The following IQSEC3 variants were observed in gnomAD, a reference collection of about 807,000 sequenced individuals.
IQSEC3 encodes IQ motif and SEC7 domain-containing protein 3.
In IQSEC3, 50 loss-of-function variants were observed where a neutral mutation model predicts 105.4. The observed-to-expected ratio is 0.47, with a 90% confidence interval of 0.38 to 0.60. The LOEUF is 0.60. Among genes scored for constraint, IQSEC3 ranks in the 20% least tolerant of loss-of-function variants. The pLI, the probability that IQSEC3 is intolerant of heterozygous loss-of-function variation, is 0.00. For synonymous variants in IQSEC3, 708 were observed against 746.0 expected (o/e 0.95, Z 0.83); for missense variants, 1,415 against 1,630.0 (o/e 0.87, Z 2.27).
chr12:121,163 G>T (rs1865206628), intron 2 of IQSEC3, among the ~76,000 whole-genome samples: 1 of 152,200 alleles, frequency 6.6e-6, no homozygotes, highest in African/African-American at 2.4e-5. Context: ...AGGGATGACA[G>T]CTGCAGACTG....
chr12:171,397 C>A, intron 13 of IQSEC3: 2 of 1,376,164 alleles, frequency 1.5e-6, no homozygotes, highest in Non-Finnish European at 2.0e-6. Context: ...TGCTGCCCTC[C>A]GAGGCCGAGC....
At chr12:128,520 T>A (rs1555084123) in intron 3 of IQSEC3, among the ~76,000 whole-genome samples, 1 of 147,686 alleles carries the variant, frequency 6.8e-6, no homozygotes, top group East Asian at 1.9e-4. Flanking sequence ...CTGGGAGGGG[T>A]GTTGGACAAT....
At chr12:91,129 T>C (rs1555073265) in intron 1 of IQSEC3, among the ~76,000 whole-genome samples, 1 of 152,186 alleles carries the variant, frequency 6.6e-6, no homozygotes, top group African/African-American at 2.4e-5. Flanking sequence ...AGGGGGATCC[T>C]CCTTCAGAGT....
chr12:140,050 C>G (rs1305251747), intron 4 of IQSEC3, among the ~76,000 whole-genome samples: 2 of 152,152 alleles, frequency 1.3e-5, no homozygotes, highest in Non-Finnish European at 2.9e-5. Flanking sequence ...GCACTCGCCT[C>G]CATCCTCCAC....
At chr12:148,628 T>G (rs1555091736) in intron 5 of IQSEC3, 3 of 152,370 alleles carry the variant, frequency 2.0e-5, no homozygotes, top group Admixed American at 6.5e-5. Context: ...CCAAAACGCC[T>G]TGACCTTTGT....
At chr12:85,933 C>T (rs1555071973) in intron 1 of IQSEC3, among the ~76,000 whole-genome samples, 1 of 152,194 alleles carries the variant, frequency 6.6e-6, no homozygotes, top group African/African-American at 2.4e-5. Flanking sequence ...CATTTCTCTC[C>T]AGCACCCTTA....
Position 89,517 on chromosome 12 carries a change from G to A in IQSEC3, c.555-9629G>A, listed in dbSNP as rs547924505. ...CCGTTTTACATGTATAACTTGATGA[G>A]TTTTGAAACATTACACTTGTGTAAC... On this transcript the variant is annotated intron_variant, in intron 1 of 13. Coordinates refer to ENST00000538872, the MANE Select transcript of IQSEC3 (RefSeq NM_001170738.2). Among the ~76,000 whole-genome samples the A allele has an allele frequency of 5.3e-5, 8 of 152,266 alleles. No homozygotes were observed. In the East Asian group the frequency reaches 1.5e-3, roughly 29 times the overall value.
intron 5 of IQSEC3, among the ~76,000 whole-genome samples, chr12:145,024 G>A (rs1458938594): frequency 6.6e-6 from 1 of 152,170 alleles, no homozygotes; most frequent in Non-Finnish European, 1.5e-5. Flanking sequence ...GTAGCGATGG[G>A]GGTCTCACTG....
chr12:154,759 T>C (rs534613814), intron 5 of IQSEC3, among the ~76,000 whole-genome samples: 2 of 152,300 alleles, frequency 1.3e-5, no homozygotes, highest in East Asian at 3.9e-4. Flanking sequence ...CCTCTCTGTC[T>C]TTCCGCCTTC....
intron 13 of IQSEC3, among the ~76,000 whole-genome samples, chr12:172,503 T>C (rs1939060626): frequency 6.6e-6 from 1 of 152,160 alleles, no homozygotes; most frequent in Non-Finnish European, 1.5e-5. Context: ...TAACAGCATA[T>C]GGCTATCTGC....
intron 7 of IQSEC3, 31 bp downstream of exon 7, chr12:157,725 C>T (rs782517408): frequency 1.9e-6 from 3 of 1,596,900 alleles, no homozygotes; most frequent in Non-Finnish European, 1.7e-6. Flanking sequence ...GCAGGAGGGG[C>T]AAGGCCACGG....
At chr12:84,475 T>C (rs1863852243) in intron 1 of IQSEC3, among the ~76,000 whole-genome samples, 1 of 152,236 alleles carries the variant, frequency 6.6e-6, no homozygotes, top group African/African-American at 2.4e-5. Flanking sequence ...TGTATGTGTG[T>C]ATGTATGCAT....
intron 2 of IQSEC3, among the ~76,000 whole-genome samples, chr12:113,051 T>C (rs1555079903): frequency 1.3e-5 from 2 of 152,166 alleles, no homozygotes; most frequent in African/African-American, 4.8e-5. Context: ...CAGTGCGGCC[T>C]GGACACTGGG....
intron 4 of IQSEC3, chr12:140,602 T>C (rs1333070630): frequency 6.5e-6 from 1 of 153,936 alleles, no homozygotes; most frequent in Admixed American, 6.5e-5. Context: ...CATGCCTGGC[T>C]GTCCCGGAAA....
intron 7 of IQSEC3, among the ~76,000 whole-genome samples, chr12:161,072 G>C (rs1555096028): frequency 6.6e-6 from 1 of 152,162 alleles, no homozygotes; most frequent in Non-Finnish European, 1.5e-5. Flanking sequence ...CGAGAACCAA[G>C]ATCAGACGTG....
chr12:126,572 T>TGTGTGTGC (rs1260117695), intron 3 of IQSEC3, among the ~76,000 whole-genome samples: 30 of 151,384 alleles, frequency 2.0e-4, no homozygotes, highest in South Asian at 6.3e-4. Context: ...TGTGTGTGTG[T>TGTGTGTGC]GCGCTTAGAG....
chr12:127,904 G>A (rs1382195530), intron 3 of IQSEC3, among the ~76,000 whole-genome samples: 7 of 152,098 alleles, frequency 4.6e-5, no homozygotes, highest in Non-Finnish European at 7.4e-5. Context: ...TGTCAACTTT[G>A]GCTTTTGTTG....
intron 3 of IQSEC3, among the ~76,000 whole-genome samples, chr12:136,362 A>C (rs1865765244): frequency 6.6e-6 from 1 of 152,178 alleles, no homozygotes. Flanking sequence ...TGAATCCACA[A>C]GGTGTCCTGA....
chr12:141,122 A>T lies in IQSEC3; in HGVS notation c.1992-2A>T. ...ACTGCTTCTCCCCACCCCCACCTCC[A>T]GAAACCCCGACAAGGGCATCCAGTT... On this transcript the variant is annotated splice_acceptor_variant, in intron 4 of 13. Coordinates refer to ENST00000538872, the MANE Select transcript of IQSEC3 (RefSeq NM_001170738.2). LOFTEE classifies it high-confidence loss of function. The T allele has an allele frequency of 7.3e-7, 1 of 1,366,402 alleles. No individual in the cohort carries two copies. The highest frequency in any genetic ancestry group is 9.6e-7 in the Non-Finnish European group (1 of 1,038,590). 84.6% of individuals were successfully genotyped at this position (1,366,402 alleles called of 1,614,324 possible). A position where few individuals can be genotyped will look rare whatever the true frequency, so the allele number is the denominator to read the frequency against.
Sources: gnomAD v4.1 joint callset for allele counts (sites outside exome capture counted in the v4.1 genomes callset) on GRCh38, gnomAD v4.1.1 for gene constraint, MANE v1.5 for transcripts, NCBI Gene and HGNC (gene_info 2026-07-23, HGNC 2026-07-21) for gene names.